The following ZNF574 variants were observed in gnomAD, a reference collection of about 807,000 sequenced individuals.
ZNF574 encodes the protein zinc finger protein 574.
A neutral mutation model predicts 56.6 loss-of-function variants in ZNF574; 25 were observed. The observed-to-expected ratio is 0.44, with a 90% CI of 0.32 to 0.62. The LOEUF (loss-of-function observed/expected upper bound fraction) is 0.62, where lower values mean the gene tolerates loss of function less well. ZNF574 is among the 20% of genes least tolerant of loss of function. The pLI, the probability that ZNF574 is intolerant of heterozygous loss-of-function variation, is 0.04. For synonymous variants in ZNF574, 543 were observed against 492.1 expected, an observed-to-expected ratio of 1.10 and a Z score of -1.37; for missense variants, 1,065 against 1,218.9, an observed-to-expected ratio of 0.87 and a Z score of 1.88.
intron 1 of ZNF574, chr19:42,069,520 C>CAAATGGAGGGGAAGGAGGGAG (rs2076393846): frequency 7.4e-6 from 1 of 135,784 alleles, no homozygotes; most frequent in African/African-American, 2.8e-5. Flanking sequence ...GGGGAAGGAG[C>CAAATGGAGGGGAAGGAGGGAG]AAATGGAGGG....
Position 42,080,436 on chromosome 19 carries a change from C to A in ZNF574, c.1830C>A (p.Arg610=). The A allele has an allele frequency of 1.2e-6, 2 of 1,614,210 alleles. No homozygotes were observed. The highest frequency in any genetic ancestry group is 2.2e-5 in the East Asian group (1 of 44,874). ...CAGGTGAATACCCCTACAAGTGTCG[C>A]GAGTGCCCCCGCTCCTTCTTGCTGC... ...HHTGEYPYKC[R]ECPRSFLLRR... is the part of the protein sequence containing the mutation. Residue 610 remains arginine, a synonymous_variant, in exon 2 of 2, where the codon CGC becomes CGA. Transcript: ENST00000359044. The surrounding 1 kb of genome is among the most constrained non-coding windows in gnomAD (Gnocchi z 8.5).
upstream of ZNF574, among the ~76,000 whole-genome samples, chr19:42,074,057 C>A (rs2076441416): frequency 1.3e-5 from 2 of 149,250 alleles, no homozygotes. Context: ...CACTTGAACC[C>A]AGGAGGCGGA....
chr19:42,076,108 GT>G (rs1363616957), upstream of ZNF574: 1 of 152,500 alleles, frequency 6.6e-6, no homozygotes, highest in Non-Finnish European at 1.5e-5. Context: ...GCGTCCGGCC[GT>G]CCGTGCGGCG....
In ZNF574 at chr19:42,079,711, T is replaced by C; in HGVS notation, c.1105T>C (p.Cys369Arg). ...SSESHFLCVD[C>R]GLAFGTEALL... Reference sequence around the variant, plus strand: ...CGAGTCACACTTCCTGTGTGTAGACTGTGGCCTGGCCTTCGGCACAGAGGC... The same window carrying C: ...CGAGTCACACTTCCTGTGTGTAGACCGTGGCCTGGCCTTCGGCACAGAGGC... Residue 369 changes from cysteine (C) to arginine (R), a missense_variant, in exon 2 of 2, where the codon TGT becomes CGT. Coordinates refer to ENST00000359044, the MANE Select transcript of ZNF574 (RefSeq NM_022752.6). The surrounding 1 kb of genome is among the most constrained non-coding windows in gnomAD (Gnocchi z 4.3). 6.2e-7 allele frequency: 1 copy of C among 1,614,120 alleles called. No homozygotes were observed. Among genetic ancestry groups the C allele is most frequent in the Non-Finnish European group, 8.5e-7 (1 of 1,180,030 alleles).
rs777264370 is a variant in ZNF574, at chr19:42,080,965, C to T, written c.2359C>T (p.Leu787=). 1 of 1,613,896 alleles carries T rather than the reference C, an allele frequency of 6.2e-7. No homozygotes were observed. The highest frequency in any genetic ancestry group is 1.3e-5 in the African/African-American group (1 of 74,890). Residue 787 remains leucine, a synonymous_variant, in exon 2 of 2, where the codon CTG becomes TTG. Transcript: ENST00000359044. This position sits in a 1 kb window ranked among gnomAD's most constrained non-coding sequence, Gnocchi z 8.5. ...QSTHLKDHRR[L]HTGERPFACE... Reference sequence around the variant, plus strand: ...TACCCACCTGAAAGACCACCGGCGCCTGCACACAGGTGAGCGGCCCTTTGC... The same window carrying T: ...TACCCACCTGAAAGACCACCGGCGCTTGCACACAGGTGAGCGGCCCTTTGC...
rs562682745 is a variant in ZNF574 at position 42,081,508 on chromosome 19, G to T, written c.*211G>T. ...CCCCACCTTCCACCTCTTAGCACTG[G>T]TGACCCCAAAAATGAAACCATCAAT... On this transcript the variant is annotated 3_prime_UTR_variant, in exon 2 of 2. Transcript: ENST00000359044. The T allele has an allele frequency of 1.7e-5, 11 of 645,040 alleles. No homozygotes were observed. In the South Asian group the frequency reaches 1.9e-4, roughly 11 times the overall value. 40.0% of individuals were successfully genotyped at this position (645,040 alleles called of 1,614,324 possible).
At chr19:42,071,752 C>A (rs1416808909), upstream of ZNF574, among the ~76,000 whole-genome samples, 1 of 152,116 alleles carries the variant, frequency 6.6e-6, no homozygotes, top group Non-Finnish European at 1.5e-5. Flanking sequence ...TCCTGTAACC[C>A]CAGCACTTTG....
chr19:42,071,856 T>C (rs1280012772), upstream of ZNF574, among the ~76,000 whole-genome samples: 1 of 151,754 alleles, frequency 6.6e-6, no homozygotes, highest in Non-Finnish European at 1.5e-5. Flanking sequence ...ATACAAAAAT[T>C]AGCCAGGCCC....
At chr19:42,069,804 G>A (rs889181784) in intron 1 of ZNF574, among the ~76,000 whole-genome samples, 29 of 152,008 alleles carry the variant, frequency 1.9e-4, no homozygotes, top group African/African-American at 6.0e-4. Flanking sequence ...GCAAGGGCCC[G>A]GAGTCCTCAA....
At position 42,079,526 on chromosome 19, in the gene ZNF574, A is replaced by G; in HGVS notation, c.920A>G (p.Gln307Arg). Reference sequence around the variant, plus strand: ...GGAGAAGCAGGCGGGGCAGCCACACAGGAGCTCTTCTGCTCAGCCTGTGAC... The same window carrying G: ...GGAGAAGCAGGCGGGGCAGCCACACGGGAGCTCTTCTGCTCAGCCTGTGAC... ...NSGEAGGAAT[Q>R]ELFCSACDQL... The change falls in exon 2 of 2, where the codon CAG becomes CGG. Residue 307 changes from glutamine (Q) to arginine (R), a missense_variant. Transcript: ENST00000359044. The surrounding 1 kb of genome is among the most constrained non-coding windows in gnomAD (Gnocchi z 4.3). 3 of 1,613,992 alleles carry G rather than the reference A, an allele frequency of 1.9e-6. No homozygotes were observed. Among genetic ancestry groups the G allele is most frequent in the Non-Finnish European group, 2.5e-6 (3 of 1,180,028 alleles).
At chr19:42,076,687 G>A (rs1004546224) in intron 1 of ZNF574, among the ~76,000 whole-genome samples, 8 of 152,238 alleles carry the variant, frequency 5.3e-5, no homozygotes, top group Non-Finnish European at 2.9e-5. Flanking sequence ...GCCCAGTTAG[G>A]GGCTTAGGGC....
chr19:42,081,396 C>A lies in ZNF574; in HGVS notation c.*99C>A. 6.9e-7 allele frequency: 1 copy of A among 1,456,264 alleles called. No homozygotes were observed. The highest frequency in any genetic ancestry group is 2.3e-5 in the East Asian group (1 of 43,592). The allele number at this position is 1,456,264 out of a possible 1,614,324, so 90.2% of individuals were successfully genotyped here. A position where few individuals can be genotyped will look rare whatever the true frequency, so the allele number is the denominator to read the frequency against. Reference sequence around the variant, plus strand: ...TACATACTGTGTCCCTTCCTCTTCCCATCCCCACCACCTTGTAAGTTCTAA... The same window carrying A: ...TACATACTGTGTCCCTTCCTCTTCCAATCCCCACCACCTTGTAAGTTCTAA... On this transcript the variant is annotated 3_prime_UTR_variant, in exon 2 of 2. Coordinates refer to ENST00000359044, the MANE Select transcript of ZNF574 (RefSeq NM_022752.6).
At chr19:42,076,815 A>G (rs541322506) in intron 1 of ZNF574, among the ~76,000 whole-genome samples, 35 of 152,180 alleles carry the variant, frequency 2.3e-4, no homozygotes, top group Non-Finnish European at 4.7e-4. Context: ...CCCCAAGGGA[A>G]CGGTTTAGAG....
At chr19:42,078,452 G>T (rs2076470465) in intron 1 of ZNF574, 135 bp from the exon 2 acceptor site, 1 of 764,412 alleles carries the variant, frequency 1.3e-6, no homozygotes, top group Non-Finnish European at 2.1e-6. Flanking sequence ...TTATTGGGAG[G>T]GAGGCAGAAT....
chr19:42,069,169 T>G (rs1160357296), intron 1 of ZNF574: 1 of 386,670 alleles, frequency 2.6e-6, no homozygotes, highest in East Asian at 3.8e-5. Flanking sequence ...GGTGCCCCCC[T>G]GCCAGGCGGC....
rs777446400 is a variant in ZNF574 at position 42,079,046 on chromosome 19, C to A, written c.440C>A (p.Thr147Lys). 1 of 1,614,066 alleles carries A rather than the reference C, an allele frequency of 6.2e-7. No homozygotes were observed. Among genetic ancestry groups the A allele is most frequent in the Non-Finnish European group, 8.5e-7 (1 of 1,180,034 alleles). ...SQELWLNHRQ[T>K]HLRATPTKAP... ...GAGCTCTGGCTGAACCACCGGCAGA[C>A]GCACCTCCGGGCCACACCCACCAAG... is the stretch of plus-strand genomic sequence containing the variant. The change falls in exon 2 of 2, where the codon ACG (threonine) becomes AAG (lysine). Residue 147 changes from threonine (T) to lysine (K), a missense_variant. Coordinates refer to ENST00000359044, the MANE Select transcript of ZNF574 (RefSeq NM_022752.6). The surrounding 1 kb of genome is among the most constrained non-coding windows in gnomAD (Gnocchi z 4.3).
rs1334966062 is a variant in ZNF574, at chr19:42,079,992, C to T, written c.1386C>T (p.Ala462=). The T allele has an allele frequency of 6.2e-7, 1 of 1,613,982 alleles. No individual in the cohort carries two copies. The highest frequency in any genetic ancestry group is 1.1e-5 in the South Asian group (1 of 91,082). ...VSEETSAGPA[A]PGTYRCLLCS... ...AGGAGACCTCAGCAGGGCCCGCTGCCCCAGGCACCTACCGCTGCCTCCTGT... is the reference window on the plus strand; with the variant it reads ...AGGAGACCTCAGCAGGGCCCGCTGCTCCAGGCACCTACCGCTGCCTCCTGT... Residue 462 remains alanine, a synonymous_variant, in exon 2 of 2, where the codon GCC becomes GCT. Coordinates refer to ENST00000359044, the MANE Select transcript of ZNF574 (RefSeq NM_022752.6). The surrounding 1 kb of genome is among the most constrained non-coding windows in gnomAD (Gnocchi z 4.3).
chr19:42,076,551 G>A (rs1449140599), intron 1 of ZNF574, among the ~76,000 whole-genome samples: 1 of 152,138 alleles, frequency 6.6e-6, no homozygotes, highest in Non-Finnish European at 1.5e-5. Flanking sequence ...GGGCACCTGG[G>A]CGGGAAGGGG....
chr19:42,079,050 C>G lies in ZNF574; in HGVS notation c.444C>G (p.His148Gln). 2 of 1,614,196 alleles carry G rather than the reference C, an allele frequency of 1.2e-6. No individual in the cohort carries two copies. Among genetic ancestry groups the G allele is most frequent in the Non-Finnish European group, 1.7e-6 (2 of 1,180,030 alleles). The change falls in exon 2 of 2, where the codon CAC (histidine) becomes CAG (glutamine). Residue 148 changes from histidine (H) to glutamine (Q), a missense_variant. By Grantham distance (24) the His-to-Gln change is conservative. Coordinates refer to ENST00000359044, the MANE Select transcript of ZNF574 (RefSeq NM_022752.6). This position sits in a 1 kb window ranked among gnomAD's most constrained non-coding sequence, Gnocchi z 4.3. ...QELWLNHRQT[H>Q]LRATPTKAPA... ...TCTGGCTGAACCACCGGCAGACGCA[C>G]CTCCGGGCCACACCCACCAAGGCTC...
Sources: allele counts gnomAD v4.1 joint callset (sites outside exome capture counted in the v4.1 genomes callset), GRCh38; gene constraint gnomAD v4.1.1; non-coding constraint Gnocchi (gnomAD v3.1); transcripts MANE v1.5; gene names NCBI Gene and HGNC (gene_info 2026-07-23, HGNC 2026-07-21).